The following ERC2 variants were observed in gnomAD, a reference collection of about 807,000 sequenced individuals.
The protein encoded by ERC2 is ELKS/RAB6-interacting/CAST family member 2, also known as ERC protein 2.
In ERC2, 42 loss-of-function variants were observed where a neutral mutation model predicts 114.8. That is an observed-to-expected ratio of 0.37 (90% confidence interval 0.29 to 0.47). The LOEUF (loss-of-function observed/expected upper bound fraction) is 0.47, where lower values mean the gene tolerates loss of function less well. ERC2 is among the 20% of genes least tolerant of loss of function. The probability of loss-of-function intolerance (pLI) is 0.99; values close to 1 mark genes in which losing one functional copy is unlikely to be tolerated. For missense variants in ERC2, 939 were observed against 1,150.7 expected, an observed-to-expected ratio of 0.82 and a Z score of 2.66; for synonymous variants, 454 against 425.5, an observed-to-expected ratio of 1.07 and a Z score of -0.82.
At chr3:56,094,378 T>G (rs2149791120) in intron 6 of ERC2, among the ~76,000 whole-genome samples, 1 of 152,244 alleles carries the variant, frequency 6.6e-6, no homozygotes, top group Middle Eastern at 3.4e-3. Flanking sequence ...GTGAAAACAG[T>G]GGAGCTTTCA....
chr3:55,895,736 G>A (rs560442443), intron 13 of ERC2, among the ~76,000 whole-genome samples: 5 of 152,264 alleles, frequency 3.3e-5, no homozygotes, highest in African/African-American at 7.2e-5. Context: ...GCACAAAGAC[G>A]TGATTCTGAA....
At chr3:55,787,523 C>T (rs2069612625) in intron 14 of ERC2, among the ~76,000 whole-genome samples, 1 of 152,136 alleles carries the variant, frequency 6.6e-6, no homozygotes, top group Non-Finnish European at 1.5e-5. Context: ...CAGGGCTAGA[C>T]ATGGCATCTC....
At chr3:56,142,380 T>C (rs1272650596) in intron 5 of ERC2, among the ~76,000 whole-genome samples, 1 of 152,208 alleles carries the variant, frequency 6.6e-6, no homozygotes, top group Non-Finnish European at 1.5e-5. Context: ...AAGTTAAGTA[T>C]TCTTATCAAG....
At chr3:56,263,375 G>T (rs13093755) in intron 3 of ERC2, among the ~76,000 whole-genome samples, 1 of 147,868 alleles carries the variant, frequency 6.8e-6, no homozygotes, top group Non-Finnish European at 1.5e-5. Flanking sequence ...AAAAAAAAAA[G>T]CCATGAGAAT....
intron 10 of ERC2, among the ~76,000 whole-genome samples, chr3:56,006,667 A>G (rs553254987): frequency 2.0e-5 from 3 of 152,220 alleles, no homozygotes; most frequent in Admixed American, 1.3e-4. Context: ...TTTCTTAGAC[A>G]GTAAGGCCAT....
At chr3:55,697,178 C>T (rs2062975704) in intron 16 of ERC2, among the ~76,000 whole-genome samples, 1 of 152,200 alleles carries the variant, frequency 6.6e-6, no homozygotes, top group Non-Finnish European at 1.5e-5. Context: ...CCAAGTGCCA[C>T]ATAGTGGCTG....
intron 2 of ERC2, among the ~76,000 whole-genome samples, chr3:56,369,435 A>G (rs76942352): frequency 0.03 from 4,522 of 152,234 alleles, 77 homozygotes; most frequent in South Asian, 0.071. Context: ...TCAACCTATG[A>G]CTTTGCTACT....
chr3:56,358,467 G>T (rs1051658679), intron 2 of ERC2, among the ~76,000 whole-genome samples: 25 of 152,110 alleles, frequency 1.6e-4, no homozygotes, highest in African/African-American at 5.5e-4. Context: ...TTTTTTTTAG[G>T]TCTGCAATTA....
chr3:55,675,697 A>G (rs2061754460), intron 17 of ERC2, among the ~76,000 whole-genome samples: 1 of 152,092 alleles, frequency 6.6e-6, no homozygotes, highest in East Asian at 1.9e-4. Flanking sequence ...TTCTCAGGCT[A>G]CAAGTCTCAA....
intron 3 of ERC2, among the ~76,000 whole-genome samples, chr3:56,231,783 T>C (rs770084882): frequency 6.6e-6 from 1 of 152,162 alleles, no homozygotes; most frequent in African/African-American, 2.4e-5. Context: ...AAATTGTCAA[T>C]AGTGACTTCA....
chr3:56,106,073 T>A (rs568458410), intron 6 of ERC2, among the ~76,000 whole-genome samples: 6 of 152,250 alleles, frequency 3.9e-5, no homozygotes, highest in Admixed American at 6.5e-5. Flanking sequence ...GAGAAGTTTT[T>A]AAAATTCCTT....
rs371265699 is a variant in ERC2 at position 56,443,537 on chromosome 3, A to T, written c.-140-8390T>A. Reference sequence around the variant, plus strand: ...GCAAAGGCAGGTCCCCATGGCTGTCATGTTCCCCTAAGCCTCATAATTCCT... The same window carrying T: ...GCAAAGGCAGGTCCCCATGGCTGTCTTGTTCCCCTAAGCCTCATAATTCCT... On this transcript the variant is annotated intron_variant, in intron 1 of 17. Coordinates refer to ENST00000288221, the MANE Select transcript of ERC2 (RefSeq NM_015576.3). Among the ~76,000 whole-genome samples, 19 of 152,188 alleles carry T rather than the reference A, an allele frequency of 1.2e-4. 1 individual carries two copies. In the South Asian group the frequency reaches 3.9e-3, roughly 32 times the overall value.
chr3:55,987,619 TTAAAAA>T (rs1206718638), intron 11 of ERC2, among the ~76,000 whole-genome samples: 2 of 152,214 alleles, frequency 1.3e-5, no homozygotes. Flanking sequence ...TTATCATAAT[TTAAAAA>T]TAATAATAAT....
chr3:56,464,812 G>C (rs933570769), intron 1 of ERC2, among the ~76,000 whole-genome samples: 2 of 151,832 alleles, frequency 1.3e-5, no homozygotes, highest in African/African-American at 4.8e-5. Context: ...AACTGAAACT[G>C]TTGGCTGGCA....
chr3:55,751,000 T>C (rs1222064736), intron 14 of ERC2, among the ~76,000 whole-genome samples: 3 of 152,212 alleles, frequency 2.0e-5, no homozygotes, highest in Non-Finnish European at 4.4e-5. Flanking sequence ...ATAGCTTAAT[T>C]AGGTTAGCAA....
At chr3:55,847,348 A>G (rs1012246657) in intron 14 of ERC2, among the ~76,000 whole-genome samples, 4 of 152,248 alleles carry the variant, frequency 2.6e-5, no homozygotes, top group African/African-American at 9.6e-5. Flanking sequence ...AAAATTGCCA[A>G]AGTCACTATT....
At chr3:56,208,363 T>C (rs2048864947) in intron 3 of ERC2, among the ~76,000 whole-genome samples, 1 of 152,222 alleles carries the variant, frequency 6.6e-6, no homozygotes, top group Admixed American at 6.5e-5. Flanking sequence ...TTGCTCTCAA[T>C]TTAGACAAAG....
At chr3:56,173,584 C>T (rs2082800461) in intron 3 of ERC2, 64 bp from the exon 4 acceptor site, 4 of 1,494,546 alleles carry the variant, frequency 2.7e-6, no homozygotes, top group African/African-American at 1.4e-5. Flanking sequence ...ACAACCTTTA[C>T]ACAGGTACTA....
At chr3:55,799,068 AG>A (rs1218073933) in intron 14 of ERC2, among the ~76,000 whole-genome samples, 1 of 152,102 alleles carries the variant, frequency 6.6e-6, no homozygotes, top group Non-Finnish European at 1.5e-5. Context: ...ATAATATGGA[AG>A]GGGGATTCAT....
Sources: allele counts gnomAD v4.1 joint callset (sites outside exome capture counted in the v4.1 genomes callset), GRCh38; gene constraint gnomAD v4.1.1; transcripts MANE v1.5; gene names NCBI Gene and HGNC (gene_info 2026-07-23, HGNC 2026-07-21).